BICRA: variants seen among roughly 807,000 people sequenced by gnomAD.
The protein encoded by BICRA is BRD4 interacting chromatin remodeling complex associated protein.
A neutral mutation model predicts 96.9 loss-of-function variants in BICRA; 31 were observed. That is an observed-to-expected ratio of 0.32 (90% confidence interval 0.24 to 0.43). The LOEUF (loss-of-function observed/expected upper bound fraction) is 0.43. Among genes scored for constraint, BICRA ranks in the 20% least tolerant of loss-of-function variants. BICRA has a pLI of 1.00. For missense variants in BICRA, 2,283 were observed against 2,190.3 expected, an observed-to-expected ratio of 1.04 and a Z score of -0.84; for synonymous variants, 1,350 against 1,071.8, an observed-to-expected ratio of 1.26 and a Z score of -5.07.
At chr19:47,687,758 G>T (rs1973180754) in intron 7 of BICRA, among the ~76,000 whole-genome samples, 1 of 147,790 alleles carries the variant, frequency 6.8e-6, no homozygotes, top group Non-Finnish European at 1.5e-5. Flanking sequence ...CCTAGAGAGG[G>T]TTGCAGTGAG....
At chr19:47,625,246 C>T (rs1027895842) in intron 1 of BICRA, among the ~76,000 whole-genome samples, 13 of 151,196 alleles carry the variant, frequency 8.6e-5, no homozygotes, top group Admixed American at 1.3e-4. Flanking sequence ...GTGATTTGCC[C>T]TCCTCAGCCT....
intron 1 of BICRA, among the ~76,000 whole-genome samples, chr19:47,630,222 G>T (rs868051531): frequency 2.7e-5 from 4 of 146,452 alleles, no homozygotes; most frequent in Middle Eastern, 3.6e-3. Flanking sequence ...GTGCAGTGGC[G>T]CAATCTCGGC....
intron 1 of BICRA, among the ~76,000 whole-genome samples, chr19:47,650,939 AC>A (rs1972531389): frequency 6.6e-6 from 1 of 152,102 alleles, no homozygotes; most frequent in Admixed American, 6.5e-5. Flanking sequence ...TGCCTGGCCC[AC>A]CCGGCCTTCT....
rs1305729244 is a variant in BICRA at position 47,679,733 on chromosome 19, T to C, written c.563T>C (p.Val188Ala). Residue 188 changes from valine (V) to alanine (A), a missense_variant, in exon 6 of 15, where the codon GTC becomes GCC. Transcript: ENST00000594866. ...GCCCTGGTGCCGCCCCAGGACGTGG[T>C]CAACAAGGCCCTGAGTGTGCAGCCC... Reference protein sequence around the residue: ...HQALVPPQDVVNKALSVQPFL... With the variant: ...HQALVPPQDVANKALSVQPFL... 8 of 1,537,520 alleles carry C rather than the reference T, an allele frequency of 5.2e-6. 1 individual carries two copies. The highest frequency in any genetic ancestry group is 7.0e-6 in the Non-Finnish European group (8 of 1,143,076).
In BICRA at chr19:47,702,941, C is replaced by T. The variant is rs1973493750; in HGVS notation, c.*526C>T. 1.7e-5 allele frequency: 3 copies of T among 172,750 alleles called. No homozygotes were observed. The South Asian group carries it at 4.3e-4, about 25-fold the overall frequency. 10.7% of individuals were successfully genotyped at this position (172,750 alleles called of 1,614,324 possible). A position where few individuals can be genotyped will look rare whatever the true frequency, so the allele number is the denominator to read the frequency against. ...CCAGCGTGCTGTGCCCGCAGGCACC[C>T]GTGTGACATCCGCACGTCCAGCTCC... On this transcript the variant is annotated 3_prime_UTR_variant, in exon 15 of 15. Transcript: ENST00000594866.
intron 7 of BICRA, among the ~76,000 whole-genome samples, chr19:47,693,094 G>A (rs1014897715): frequency 2.5e-4 from 38 of 152,336 alleles, no homozygotes; most frequent in African/African-American, 7.9e-4. Context: ...CCGGCCATTC[G>A]TGTTAGATCA....
intron 1 of BICRA, among the ~76,000 whole-genome samples, chr19:47,642,375 G>C (rs1263681642): frequency 6.6e-6 from 1 of 152,180 alleles, no homozygotes; most frequent in East Asian, 1.9e-4. Context: ...TGGATTAGTA[G>C]GGTCAGATGA....
chr19:47,657,399 ATT>A (rs36052673), intron 1 of BICRA, among the ~76,000 whole-genome samples: 3 of 142,562 alleles, frequency 2.1e-5, no homozygotes, highest in Non-Finnish European at 3.1e-5. Context: ...CTGCTGTGAA[ATT>A]TTTTTTTTTT....
rs1389984593 is a variant in BICRA at position 47,694,156 on chromosome 19, G to A, written c.2325G>A (p.Ser775=). 2.0e-5 allele frequency: 30 copies of A among 1,492,380 alleles called. No homozygotes were observed. Among genetic ancestry groups the A allele is most frequent in the Non-Finnish European group, 2.5e-5 (28 of 1,119,458 alleles). 92.4% of individuals were successfully genotyped at this position (1,492,380 alleles called of 1,614,324 possible). A position where few individuals can be genotyped will look rare whatever the true frequency, so the allele number is the denominator to read the frequency against. The part of the protein sequence containing the change: ...AAPLKGPGPS[S]SPSLPHQAPL... ...CGCTGAAGGGCCCAGGCCCCTCTTC[G>A]TCCCCGTCACTACCTCACCAGGCCC... Residue 775 remains serine, a synonymous_variant, in exon 8 of 15, where the codon TCG becomes TCA. Coordinates refer to ENST00000594866, the MANE Select transcript of BICRA (RefSeq NM_001394372.1).
intron 1 of BICRA, among the ~76,000 whole-genome samples, chr19:47,644,665 T>G (rs1371474379): frequency 6.6e-6 from 1 of 152,032 alleles, no homozygotes; most frequent in East Asian, 1.9e-4. Context: ...TATGCCCAGA[T>G]AAGTTTTGTA....
At chr19:47,613,446 C>T (rs1971939191) in intron 1 of BICRA, among the ~76,000 whole-genome samples, 1 of 152,096 alleles carries the variant, frequency 6.6e-6, no homozygotes, top group Non-Finnish European at 1.5e-5. Flanking sequence ...CTTCTCCCGC[C>T]CTGCAGGGGA....
At chr19:47,695,643 T>G (rs1351604111) in intron 10 of BICRA, among the ~76,000 whole-genome samples, 169 bp downstream of exon 10, 3 of 151,738 alleles carry the variant, frequency 2.0e-5, no homozygotes, top group Non-Finnish European at 2.9e-5. Context: ...AAGGGCAGAA[T>G]GACACCCAGA....
chr19:47,615,178 C>T (rs1414116105), intron 1 of BICRA, among the ~76,000 whole-genome samples: 3 of 152,186 alleles, frequency 2.0e-5, no homozygotes, highest in Admixed American at 2.0e-4. Context: ...AAGACGAGGT[C>T]TCACTGTGTT....
At chr19:47,667,304 A>T (rs112228481) in intron 1 of BICRA, among the ~76,000 whole-genome samples, 4 of 152,296 alleles carry the variant, frequency 2.6e-5, no homozygotes, top group South Asian at 2.1e-4. Context: ...CGTGAGCCAC[A>T]GCGCCTGGCC....
At chr19:47,640,561 T>C (rs970855640) in intron 1 of BICRA, among the ~76,000 whole-genome samples, 3 of 149,362 alleles carry the variant, frequency 2.0e-5, no homozygotes, top group Non-Finnish European at 3.0e-5. Context: ...TCCCTGCCTC[T>C]GGGGAGCTGA....
At chr19:47,625,942 G>GC (rs1972133180) in intron 1 of BICRA, among the ~76,000 whole-genome samples, 1 of 152,054 alleles carries the variant, frequency 6.6e-6, no homozygotes, top group African/African-American at 2.4e-5. Context: ...TTGTTTCTTG[G>GC]CCCCTGGGTC....
chr19:47,698,671 C>T lies in BICRA; in HGVS notation c.3286C>T (p.Leu1096=). 1.3e-6 allele frequency: 2 copies of T among 1,581,062 alleles called. No homozygotes were observed. The highest frequency in any genetic ancestry group is 1.7e-6 in the Non-Finnish European group (2 of 1,149,896). ...EHLHKHQGSV[L]HPDYKTAFPS... Reference sequence around the variant, plus strand: ...TTTGCACAAACACCAGGGCTCCGTCCTGCACCCCGACTACAAGACGGCCTT... The same window carrying T: ...TTTGCACAAACACCAGGGCTCCGTCTTGCACCCCGACTACAAGACGGCCTT... The change falls in exon 12 of 15, where the codon CTG becomes TTG. Residue 1096 remains leucine, a synonymous_variant. Transcript: ENST00000594866. This position sits in a 1 kb window ranked among gnomAD's most constrained non-coding sequence, Gnocchi z 4.8.
chr19:47,680,979 G>A lies in BICRA; in HGVS notation c.1809G>A (p.Val603=). The A allele has an allele frequency of 5.4e-6, 8 of 1,468,360 alleles. No individual in the cohort carries two copies. Among genetic ancestry groups the A allele is most frequent in the Middle Eastern group, 2.2e-4 (1 of 4,464 alleles). The allele number at this position is 1,468,360 out of a possible 1,614,324, so 91.0% of individuals were successfully genotyped here. The change falls in exon 6 of 15, where the codon GTG becomes GTA. Residue 603 remains valine, a synonymous_variant. Transcript: ENST00000594866. ...VAMLNTPDGL[V]QPATPAAATG... ...TGCTCAACACCCCCGACGGCCTGGT[G>A]CAGCCGGCCACCCCTGCCGCTGCCA...
At position 47,701,156 on chromosome 19, in the gene BICRA, A is replaced by C. The variant is rs922611297; in HGVS notation, c.3596-172A>C. The C allele has an allele frequency of 1.2e-5, 7 of 600,408 alleles. No individual in the cohort carries two copies. Among genetic ancestry groups the C allele is most frequent in the Non-Finnish European group, 2.1e-5 (7 of 339,552 alleles). The allele number at this position is 600,408 out of a possible 1,614,324, so 37.2% of individuals were successfully genotyped here. A position where few individuals can be genotyped will look rare whatever the true frequency, so the allele number is the denominator to read the frequency against. On this transcript the variant is annotated intron_variant, in intron 14 of 14. Transcript: ENST00000594866. This position sits in a 1 kb window ranked among gnomAD's most constrained non-coding sequence, Gnocchi z 5.4. ...GGCACAGTGGTTTTAGAGTTGGGGGAATTTGGGCCTTGCTGAAGAGGGTCT... is the reference window on the plus strand; with the variant it reads ...GGCACAGTGGTTTTAGAGTTGGGGGCATTTGGGCCTTGCTGAAGAGGGTCT...
Sources: allele counts gnomAD v4.1 joint callset (sites outside exome capture counted in the v4.1 genomes callset), GRCh38; gene constraint gnomAD v4.1.1; non-coding constraint Gnocchi (gnomAD v3.1); transcripts MANE v1.5; gene names NCBI Gene and HGNC (gene_info 2026-07-23, HGNC 2026-07-21).